COMMD1: variants seen among roughly 807,000 people sequenced by gnomAD.
COMMD1 encodes the protein COMM domain-containing protein 1.
In COMMD1, 10 loss-of-function variants were observed where a neutral mutation model predicts 17.2. That is an observed-to-expected ratio of 0.58 (90% CI 0.36 to 0.99). The LOEUF (loss-of-function observed/expected upper bound fraction) is 0.99. Ranked by LOEUF, COMMD1 falls within the 50% of genes least tolerant of loss-of-function variation. The probability of loss-of-function intolerance (pLI) is 0.01; values close to 1 mark genes in which losing one functional copy is unlikely to be tolerated. For missense variants in COMMD1, 270 were observed against 231.8 expected (o/e 1.17, Z -1.07); for synonymous variants, 97 against 91.6 (o/e 1.06, Z -0.34).
At chr2:62,062,689 T>C (rs1670896679) in intron 2 of COMMD1, among the ~76,000 whole-genome samples, 1 of 152,034 alleles carries the variant, frequency 6.6e-6, no homozygotes, top group African/African-American at 2.4e-5. Context: ...AAAAAAAAAA[T>C]CTCTGTTCAT....
chr2:61,935,826 T>A (rs143360162), intron 1 of COMMD1, among the ~76,000 whole-genome samples: 7 of 152,210 alleles, frequency 4.6e-5, no homozygotes, highest in African/African-American at 1.7e-4. Flanking sequence ...TTATCGATTT[T>A]TTTTTTTTGA....
intron 2 of COMMD1, among the ~76,000 whole-genome samples, chr2:62,053,651 A>G (rs551998271): frequency 6.6e-6 from 1 of 152,350 alleles, no homozygotes; most frequent in Non-Finnish European, 1.5e-5. Context: ...CCAGCAGAAC[A>G]TCTGGAAACA....
intron 1 of COMMD1, among the ~76,000 whole-genome samples, chr2:61,948,575 A>C (rs1572992157): frequency 6.6e-6 from 1 of 152,242 alleles, no homozygotes; most frequent in Non-Finnish European, 1.5e-5. Flanking sequence ...GTCTTTAGTC[A>C]GGCATAAATA....
At chr2:61,905,997 A>C in intron 1 of COMMD1, 139 bp downstream of exon 1, 1 of 810,584 alleles carries the variant, frequency 1.2e-6, no homozygotes, top group Non-Finnish European at 2.1e-6. Context: ...TGGGCTCCAC[A>C]TCGGGCTCCT....
At chr2:61,991,959 A>G (rs1375940315) in intron 1 of COMMD1, among the ~76,000 whole-genome samples, 1 of 152,234 alleles carries the variant, frequency 6.6e-6, no homozygotes. Context: ...TATAATTCAC[A>G]TATAATAAAA....
chr2:62,073,971 A>G (rs898913870), intron 2 of COMMD1, among the ~76,000 whole-genome samples: 3 of 152,220 alleles, frequency 2.0e-5, no homozygotes, highest in African/African-American at 7.2e-5. Context: ...TGTTAGGATT[A>G]AAGGCATGAG....
intron 2 of COMMD1, among the ~76,000 whole-genome samples, chr2:62,059,014 G>T (rs539289807): frequency 6.6e-6 from 1 of 152,198 alleles, no homozygotes; most frequent in East Asian, 1.9e-4. Flanking sequence ...TCCTGACCTC[G>T]TGATCCACCC....
At chr2:62,101,293 C>T (rs1672170401) in intron 2 of COMMD1, among the ~76,000 whole-genome samples, 1 of 152,028 alleles carries the variant, frequency 6.6e-6, no homozygotes, top group African/African-American at 2.4e-5. Context: ...AGGTCTTAAC[C>T]CCATTTTGGA....
At chr2:62,135,192 G>T (rs1289024506) in intron 2 of COMMD1, among the ~76,000 whole-genome samples, 1 of 151,996 alleles carries the variant, frequency 6.6e-6, no homozygotes, top group Non-Finnish European at 1.5e-5. Context: ...GTGCCTCAGG[G>T]TCCTCATTTT....
At chr2:61,920,981 ATTT>A (rs61439372) in intron 1 of COMMD1, among the ~76,000 whole-genome samples, 38 of 141,388 alleles carry the variant, frequency 2.7e-4, no homozygotes, top group South Asian at 1.8e-3. Context: ...ATATATATAT[ATTT>A]TTTTTTTTTT....
intron 2 of COMMD1, among the ~76,000 whole-genome samples, chr2:62,103,707 C>T (rs1672247927): frequency 6.6e-6 from 1 of 152,184 alleles, no homozygotes; most frequent in African/African-American, 2.4e-5. Flanking sequence ...AATTTTGCTT[C>T]ACAGATCATA....
At chr2:62,031,149 T>A (rs1669898735) in intron 2 of COMMD1, among the ~76,000 whole-genome samples, 1 of 152,216 alleles carries the variant, frequency 6.6e-6, no homozygotes, top group Non-Finnish European at 1.5e-5. Flanking sequence ...TTTATCTGTG[T>A]TGGCAATTGA....
At chr2:62,119,495 C>G (rs1672689719) in intron 2 of COMMD1, among the ~76,000 whole-genome samples, 1 of 152,186 alleles carries the variant, frequency 6.6e-6, no homozygotes, top group Non-Finnish European at 1.5e-5. Flanking sequence ...AAATCCAAAA[C>G]TTTTTTTCCC....
chr2:61,931,137 C>T (rs1352860225), intron 1 of COMMD1, among the ~76,000 whole-genome samples: 2 of 151,796 alleles, frequency 1.3e-5, no homozygotes, highest in African/African-American at 4.8e-5. Flanking sequence ...CTTGATGAAA[C>T]CCCATCTCTA....
chr2:62,067,225 C>CA (rs528706499), intron 2 of COMMD1, among the ~76,000 whole-genome samples: 11,659 of 113,324 alleles, frequency 0.1, 1,107 homozygotes, highest in African/African-American at 0.28. Flanking sequence ...AACTCCATCT[C>CA]AAAAAAAAAA....
intron 1 of COMMD1, among the ~76,000 whole-genome samples, chr2:61,951,638 G>A (rs1671056866): frequency 6.6e-6 from 1 of 151,974 alleles, no homozygotes; most frequent in African/African-American, 2.4e-5. Flanking sequence ...TGTATAATGG[G>A]GATATAGTAA....
chr2:61,951,248 G>A (rs1271244368), intron 1 of COMMD1, among the ~76,000 whole-genome samples: 1 of 152,114 alleles, frequency 6.6e-6, no homozygotes, highest in Non-Finnish European at 1.5e-5. Context: ...TGGATAGGTT[G>A]AGGCCAGGAG....
At chr2:62,097,800 G>A (rs112059175) in intron 2 of COMMD1, among the ~76,000 whole-genome samples, 1 of 152,200 alleles carries the variant, frequency 6.6e-6, no homozygotes, top group African/African-American at 2.4e-5. Flanking sequence ...ACAGTATAGC[G>A]CTGGTGTCGA....
intron 1 of COMMD1, among the ~76,000 whole-genome samples, chr2:61,962,538 C>T (rs760115713): frequency 5.9e-5 from 9 of 152,204 alleles, no homozygotes; most frequent in Middle Eastern, 3.4e-3. Context: ...CCCTGACCTC[C>T]GGGGAGGATA....
Sources: allele counts gnomAD v4.1 joint callset (sites outside exome capture counted in the v4.1 genomes callset), GRCh38; gene constraint gnomAD v4.1.1; transcripts MANE v1.5; gene names NCBI Gene and HGNC (gene_info 2026-07-23, HGNC 2026-07-21).